WDPCP: variants seen among roughly 807,000 people sequenced by gnomAD.
WDPCP encodes WD repeat containing planar cell polarity effector, also known as WD repeat-containing and planar cell polarity effector protein fritz homolog.
Under a neutral mutation model 93.1 loss-of-function variants are expected in WDPCP, and 71 were observed. The ratio of observed to expected loss-of-function variants is 0.76; its 90% CI spans 0.63 to 0.93. WDPCP has a LOEUF of 0.93. WDPCP is among the 40% of genes least tolerant of loss of function. The pLI is 0.00. For missense variants in WDPCP, 844 were observed against 887.4 expected, an observed-to-expected ratio of 0.95 and a Z score of 0.62; for synonymous variants, 315 against 315.0, an observed-to-expected ratio of 1.00 and a Z score of 0.00.
In WDPCP at chr2:63,649,810, T is replaced by C. The variant is rs1223316193; in HGVS notation, n.488+849A>G. The stretch of plus-strand genomic sequence containing the variant: ...GGAGGGGTCTGGAGTAGAGCAGAAA[T>C]GATCAATGGCTACAGGACTTGGAGC... On this transcript the variant is annotated intron_variant and non_coding_transcript_variant, in intron 3 of 4. Transcript: ENST00000467687. Among the ~76,000 whole-genome samples, 6 of 152,126 alleles carry C rather than the reference T, an allele frequency of 3.9e-5. No individual in the cohort carries two copies. In the East Asian group the frequency reaches 9.6e-4, roughly 24 times the overall value.
At chr2:63,502,382 T>G (rs1701613457) in intron 1 of WDPCP, among the ~76,000 whole-genome samples, 1 of 152,228 alleles carries the variant, frequency 6.6e-6, no homozygotes. Context: ...ACTTTACATT[T>G]TGATAGGTAT....
At chr2:63,733,257 T>C (rs1669588049) in intron 2 of WDPCP, among the ~76,000 whole-genome samples, 1 of 137,370 alleles carries the variant, frequency 7.3e-6, no homozygotes, top group Non-Finnish European at 1.6e-5. Context: ...CGGACTGCAG[T>C]GGCGCAATCT....
chr2:63,629,576 C>T (rs1339922865), intron 3 of WDPCP, among the ~76,000 whole-genome samples: 1 of 152,226 alleles, frequency 6.6e-6, no homozygotes, highest in Non-Finnish European at 1.5e-5. Context: ...AGCCACCTCC[C>T]TCCTGGTGGC....
At chr2:63,345,901 A>T (rs950859351) in intron 12 of WDPCP, among the ~76,000 whole-genome samples, 2 of 152,184 alleles carry the variant, frequency 1.3e-5, no homozygotes, top group South Asian at 2.1e-4. Context: ...TGATAACTAC[A>T]GTCAAATCTC....
chr2:63,781,268 C>T (rs571979118), intron 2 of WDPCP, among the ~76,000 whole-genome samples: 8 of 152,192 alleles, frequency 5.3e-5, no homozygotes, highest in African/African-American at 1.7e-4. Flanking sequence ...TTGCTGAGCA[C>T]GGGCATTCCA....
At chr2:63,769,143 A>G (rs1670188571) in intron 2 of WDPCP, among the ~76,000 whole-genome samples, 1 of 151,942 alleles carries the variant, frequency 6.6e-6, no homozygotes. Context: ...TTGGGCCACA[A>G]CTGTAGGCTT....
At chr2:63,420,178 T>C (rs1285058610) in intron 9 of WDPCP, among the ~76,000 whole-genome samples, 1 of 152,002 alleles carries the variant, frequency 6.6e-6, no homozygotes, top group East Asian at 1.9e-4. Context: ...ATATGATAAA[T>C]GTGAAAACCA....
In WDPCP at chr2:63,818,183, C is replaced by T. The variant is rs989290623; in HGVS notation, n.223-4476G>A. 1.8e-4 allele frequency among the ~76,000 whole-genome samples: 27 copies of T among 152,120 alleles called. 1 individual carries two copies. Among genetic ancestry groups the T allele is most frequent in the Admixed American group, 1.6e-3 (25 of 15,262 alleles). On this transcript the variant is annotated intron_variant and non_coding_transcript_variant, in intron 1 of 4. Coordinates refer to the WDPCP transcript ENST00000467687. ...GAACCAACTAGCAGCCTAAGCAATC[C>T]CAAGGCACTATGCAGAGCATAATAA...
At chr2:63,483,349 A>G (rs1361989603) in intron 6 of WDPCP, among the ~76,000 whole-genome samples, 1 of 151,996 alleles carries the variant, frequency 6.6e-6, no homozygotes, top group Non-Finnish European at 1.5e-5. Context: ...TATTATGCAA[A>G]TAAGCTATAA....
chr2:63,411,048 C>T (rs1234543674), intron 9 of WDPCP, among the ~76,000 whole-genome samples: 1 of 151,864 alleles, frequency 6.6e-6, no homozygotes, highest in East Asian at 1.9e-4. Context: ...ATGGACTTAA[C>T]ATACAGAACA....
At chr2:63,421,188 T>G (rs1423741757) in intron 9 of WDPCP, among the ~76,000 whole-genome samples, 1 of 152,152 alleles carries the variant, frequency 6.6e-6, no homozygotes, top group African/African-American at 2.4e-5. Flanking sequence ...AATCTGTCAT[T>G]TGTATACAGG....
intron 6 of WDPCP, among the ~76,000 whole-genome samples, chr2:63,473,408 G>T (rs1322231424): frequency 1.3e-5 from 2 of 152,024 alleles, no homozygotes; most frequent in African/African-American, 4.8e-5. Flanking sequence ...AAACCCTGTG[G>T]GTTGGTGTCT....
chr2:63,424,833 T>G (rs557017011), intron 9 of WDPCP, among the ~76,000 whole-genome samples: 1 of 152,256 alleles, frequency 6.6e-6, no homozygotes, highest in African/African-American at 2.4e-5. Flanking sequence ...GCCTGAGGCC[T>G]AGAATACCTA....
intron 1 of WDPCP, among the ~76,000 whole-genome samples, chr2:63,528,187 G>C (rs1023124912): frequency 2.0e-5 from 3 of 152,168 alleles, no homozygotes; most frequent in African/African-American, 7.2e-5. Context: ...CCTGATGGTA[G>C]TTTCTTTTCC....
intron 13 of WDPCP, among the ~76,000 whole-genome samples, chr2:63,303,040 G>A (rs1303840527): frequency 6.6e-6 from 1 of 152,162 alleles, no homozygotes; most frequent in African/African-American, 2.4e-5. Context: ...CCCCAAAGTA[G>A]CCACTTCAAT....
chr2:63,735,163 A>C (rs1669621358), intron 2 of WDPCP, among the ~76,000 whole-genome samples: 1 of 152,218 alleles, frequency 6.6e-6, no homozygotes, highest in Non-Finnish European at 1.5e-5. Flanking sequence ...ATATGAATAC[A>C]AATATCTATA....
intron 1 of WDPCP, among the ~76,000 whole-genome samples, chr2:63,567,734 G>A (rs373257443): frequency 2.0e-5 from 3 of 152,028 alleles, no homozygotes; most frequent in African/African-American, 4.8e-5. Context: ...TTTGAAATTC[G>A]ATATTTGTGT....
At chr2:63,413,163 T>C (rs1182869184) in intron 9 of WDPCP, among the ~76,000 whole-genome samples, 1 of 152,108 alleles carries the variant, frequency 6.6e-6, no homozygotes, top group East Asian at 1.9e-4. Context: ...GGTACTGGTA[T>C]AAAAATATGC....
chr2:63,684,313 A>G, intron 2 of WDPCP: 1 of 620,582 alleles, frequency 1.6e-6, no homozygotes, highest in Non-Finnish European at 3.0e-6. Context: ...GAAATGGGCA[A>G]GTTCATGAAA....
Sources: allele counts gnomAD v4.1 joint callset (sites outside exome capture counted in the v4.1 genomes callset), GRCh38; gene constraint gnomAD v4.1.1; transcripts MANE v1.5; gene names NCBI Gene and HGNC (gene_info 2026-07-23, HGNC 2026-07-21).